The following RAPH1 variants were observed in gnomAD, a reference collection of about 807,000 sequenced individuals.
RAPH1 encodes Ras association (RalGDS/AF-6) and pleckstrin homology domains 1, also known as ras-associated and pleckstrin homology domains-containing protein 1.
Under a neutral mutation model 88.1 loss-of-function variants are expected in RAPH1, and 18 were observed. The ratio of observed to expected loss-of-function variants is 0.20; its 90% CI spans 0.14 to 0.30. The LOEUF (loss-of-function observed/expected upper bound fraction) is 0.30. RAPH1 is among the 10% of genes least tolerant of loss of function. The probability of loss-of-function intolerance (pLI) is 1.00; values close to 1 mark genes in which losing one functional copy is unlikely to be tolerated. For missense variants in RAPH1, 1,448 were observed against 1,543.2 expected, an observed-to-expected ratio of 0.94 and a Z score of 1.03; for synonymous variants, 587 against 559.0, an observed-to-expected ratio of 1.05 and a Z score of -0.71.
rs186941435 is a variant in RAPH1, at chr2:203,437,466, T to G, written c.*1971A>C. 6.6e-6 allele frequency: 1 copy of G among 152,312 alleles called. No homozygotes were observed. The highest frequency in any genetic ancestry group is 1.5e-5 in the Non-Finnish European group (1 of 68,014). 9.4% of individuals were successfully genotyped at this position (152,312 alleles called of 1,614,324 possible). On this transcript the variant is annotated 3_prime_UTR_variant, in exon 14 of 14. Coordinates refer to ENST00000319170, the MANE Select transcript of RAPH1 (RefSeq NM_213589.3). ...AGCGCTTGGCAATCTACTCAAACATTACCCAAATTTCTGTGCATGCTTAAA... is the reference window on the plus strand; with the variant it reads ...AGCGCTTGGCAATCTACTCAAACATGACCCAAATTTCTGTGCATGCTTAAA...
Position 203,439,536 on chromosome 2 carries a change from G to A in RAPH1, c.3654C>T (p.Tyr1218=), listed in dbSNP as rs762527040. Residue 1218 remains tyrosine, a synonymous_variant, in exon 14 of 14, where the codon TAC becomes TAT. Transcript: ENST00000319170. ...ELLSDQQKAG[Y]GGSHISGYAT... is the part of the protein sequence containing the mutation. Reference sequence around the variant, plus strand: ...CATAGCCTGATATATGACTGCCTCCGTAACCAGCCTTCTGTTGATCAGACA... The same window carrying A: ...CATAGCCTGATATATGACTGCCTCCATAACCAGCCTTCTGTTGATCAGACA... The A allele has an allele frequency of 2.4e-5, 39 of 1,613,986 alleles. No homozygotes were observed. The highest frequency in any genetic ancestry group is 3.0e-5 in the Non-Finnish European group (35 of 1,180,010).
intron 7 of RAPH1, among the ~76,000 whole-genome samples, chr2:203,458,504 A>C (rs1032559826): frequency 6.6e-6 from 1 of 152,172 alleles, no homozygotes; most frequent in Non-Finnish European, 1.5e-5. Context: ...GTCACTTATA[A>C]AAATGGGGTC....
chr2:203,447,398 TAATA>T (rs1351536068), intron 12 of RAPH1: 1 of 152,304 alleles, frequency 6.6e-6, no homozygotes, highest in Non-Finnish European at 1.5e-5. Context: ...TGTTTTTACT[TAATA>T]GAGATGAAAT....
chr2:203,489,690 T>G lies in RAPH1; in HGVS notation c.626A>C (p.His209Pro). 1 of 1,614,122 alleles carries G rather than the reference T, an allele frequency of 6.2e-7. No individual in the cohort carries two copies. The highest frequency in any genetic ancestry group is 1.1e-5 in the South Asian group (1 of 91,076). ...GGAGGCTGCGGAAGTGATGCTGGAATGGGAGGAATTACTAATAGAGTGTAC... is the reference window on the plus strand; with the variant it reads ...GGAGGCTGCGGAAGTGATGCTGGAAGGGGAGGAATTACTAATAGAGTGTAC... ...AEVHSISNSSHSSITSAASSM... is the reference protein window; with the variant it reads ...AEVHSISNSSPSSITSAASSM... The change falls in exon 4 of 14, where the codon CAT becomes CCT. Residue 209 changes from histidine to proline, a missense_variant. By Grantham distance (77) the His-to-Pro change is moderately conservative. Around this residue, in one of 2 missense-constraint regions of RAPH1, gnomAD observed 513 missense variants for 653.1 expected, o/e 0.79. Transcript: ENST00000319170.
chr2:203,452,219 T>C (rs183814550), intron 10 of RAPH1, among the ~76,000 whole-genome samples: 79 of 152,314 alleles, frequency 5.2e-4, no homozygotes, highest in African/African-American at 1.6e-3. Flanking sequence ...TCTACTGATA[T>C]TGAAGGAGTT....
intron 1 of RAPH1, among the ~76,000 whole-genome samples, chr2:203,528,397 T>C (rs564955957): frequency 7.2e-5 from 11 of 152,308 alleles, no homozygotes; most frequent in Middle Eastern, 6.8e-3. Flanking sequence ...TAAATACAAA[T>C]CCTCACACTG....
At chr2:203,497,168 T>C (rs1688553410) in intron 1 of RAPH1, among the ~76,000 whole-genome samples, 1 of 152,232 alleles carries the variant, frequency 6.6e-6, no homozygotes, top group South Asian at 2.1e-4. Context: ...TCTTCCACTC[T>C]TCTGCTATGC....
At position 203,506,846 on chromosome 2, in the gene RAPH1, C is replaced by A. The variant is rs796461859; in HGVS notation, c.1-11493G>T. 2.3e-3 allele frequency among the ~76,000 whole-genome samples: 156 copies of A among 66,406 alleles called. 2 individuals are homozygous for A. The highest frequency in any genetic ancestry group is 5.6e-3 in the African/African-American group (52 of 9,274). 43.6% of individuals were successfully genotyped at this position (66,406 alleles called of 152,430 possible). A position where few individuals can be genotyped will look rare whatever the true frequency, so the allele number is the denominator to read the frequency against. On this transcript the variant is annotated intron_variant, in intron 1 of 13. Coordinates refer to ENST00000319170, the MANE Select transcript of RAPH1 (RefSeq NM_213589.3). ...TATATATATATCTATATCTATATAT[C>A]TATCTATATCTATATATATATATAT... is the stretch of plus-strand genomic sequence containing the variant.
At chr2:203,494,262 T>C (rs140512824) in intron 2 of RAPH1, among the ~76,000 whole-genome samples, 11 of 152,306 alleles carry the variant, frequency 7.2e-5, no homozygotes, top group Non-Finnish European at 1.3e-4. Context: ...ATAAGTTTTG[T>C]TCTAATGTTC....
chr2:203,507,538 C>G (rs1404798947), intron 1 of RAPH1, among the ~76,000 whole-genome samples: 1 of 152,134 alleles, frequency 6.6e-6, no homozygotes, highest in African/African-American at 2.4e-5. Context: ...TCAGAGGGTT[C>G]CAGTTATAAT....
At chr2:203,457,628 G>A (rs1245056544) in intron 7 of RAPH1, 33 bp from the exon 8 acceptor site, 1 of 1,488,698 alleles carries the variant, frequency 6.7e-7, no homozygotes, top group Non-Finnish European at 9.4e-7. Flanking sequence ...GGGATGGGTG[G>A]GAGAGAAAAA....
intron 1 of RAPH1, among the ~76,000 whole-genome samples, chr2:203,511,882 TGGGA>T (rs1336597666): frequency 6.6e-6 from 1 of 151,656 alleles, no homozygotes; most frequent in Non-Finnish European, 1.5e-5. Context: ...GAGGCAGAGG[TGGGA>T]GGATCACAAG....
intron 1 of RAPH1, among the ~76,000 whole-genome samples, chr2:203,497,166 T>G (rs1688553145): frequency 6.6e-6 from 1 of 152,210 alleles, no homozygotes; most frequent in South Asian, 2.1e-4. Flanking sequence ...GTTCTTCCAC[T>G]CTTCTGCTAT....
intron 10 of RAPH1, among the ~76,000 whole-genome samples, chr2:203,449,412 C>T (rs2098512873): frequency 6.6e-6 from 1 of 152,204 alleles, no homozygotes; most frequent in South Asian, 2.1e-4. Context: ...GGCTGCAGCA[C>T]TTGCCTCCAG....
chr2:203,496,661 T>C (rs1206798407), intron 1 of RAPH1, among the ~76,000 whole-genome samples: 4 of 152,202 alleles, frequency 2.6e-5, no homozygotes, highest in East Asian at 1.9e-4. Context: ...TACAAAGTTA[T>C]GGTAGGTATT....
intron 4 of RAPH1, among the ~76,000 whole-genome samples, chr2:203,484,514 G>C (rs752024015): frequency 6.6e-6 from 1 of 152,208 alleles, no homozygotes; most frequent in Non-Finnish European, 1.5e-5. Context: ...AGTAGCCCAA[G>C]TTGTGAAGCA....
intron 4 of RAPH1, among the ~76,000 whole-genome samples, chr2:203,474,654 A>G (rs2098535811): frequency 1.3e-5 from 2 of 152,246 alleles, no homozygotes; most frequent in Non-Finnish European, 2.9e-5. Flanking sequence ...CACAACTGGC[A>G]GTGTACACTC....
rs760248690 is a variant in RAPH1, at chr2:203,441,339, G to A, written c.1851C>T (p.Thr617=). Residue 617 remains threonine, a synonymous_variant, in exon 14 of 14, where the codon ACC becomes ACT. Transcript: ENST00000319170. ...PPLSPQPKIV[T]PYTASQPSPP... ...GTGAAGGCTGTGAAGCAGTGTAGGG[G>A]GTGACTATCTTAGGTTGCGGGGATA... is the stretch of plus-strand genomic sequence containing the variant. 1.0e-5 allele frequency: 16 copies of A among 1,579,098 alleles called. No homozygotes were observed. In the South Asian group the frequency reaches 1.9e-4, roughly 19 times the overall value.
At chr2:203,528,512 A>T (rs1309543649) in intron 1 of RAPH1, among the ~76,000 whole-genome samples, 1 of 152,228 alleles carries the variant, frequency 6.6e-6, no homozygotes, top group Non-Finnish European at 1.5e-5. Flanking sequence ...AATAGAAAGT[A>T]CAGCCGAAGA....
Sources: gnomAD v4.1 joint callset for allele counts (sites outside exome capture counted in the v4.1 genomes callset) on GRCh38, gnomAD v4.1.1 for gene constraint, gnomAD v4.1.1 regional missense constraint, MANE v1.5 for transcripts, NCBI Gene and HGNC (gene_info 2026-07-23, HGNC 2026-07-21) for gene names.